The following LCORL variants were observed in gnomAD, a reference collection of about 807,000 sequenced individuals.
LCORL encodes ligand dependent nuclear receptor corepressor like.
LCORL carries 41 observed loss-of-function variants against 141.8 expected under a neutral mutation model. The observed-to-expected ratio is 0.29, with a 90% CI of 0.23 to 0.38. The LOEUF (loss-of-function observed/expected upper bound fraction) is 0.38. Among genes scored for constraint, LCORL ranks in the 10% least tolerant of loss-of-function variants. The probability of loss-of-function intolerance (pLI) is 1.00; values close to 1 mark genes in which losing one functional copy is unlikely to be tolerated. For missense variants in LCORL, 1,759 were observed against 2,035.0 expected, an observed-to-expected ratio of 0.86 and a Z score of 2.61; for synonymous variants, 618 against 694.1, an observed-to-expected ratio of 0.89 and a Z score of 1.72.
intron 5 of LCORL, among the ~76,000 whole-genome samples, chr4:17,895,636 C>A (rs536061295): frequency 8.8e-4 from 134 of 152,142 alleles, no homozygotes; most frequent in Non-Finnish European, 1.7e-3. Flanking sequence ...AGTTGTGCAA[C>A]CATCACAATT....
intron 7 of LCORL, among the ~76,000 whole-genome samples, chr4:17,872,621 G>A (rs930667325): frequency 6.6e-6 from 1 of 152,026 alleles, no homozygotes; most frequent in African/African-American, 2.4e-5. Context: ...GGATGTAATT[G>A]TTTGCTAAGG....
chr4:17,892,101 G>A (rs899302216), intron 5 of LCORL, among the ~76,000 whole-genome samples: 2 of 151,854 alleles, frequency 1.3e-5, no homozygotes, highest in Non-Finnish European at 2.9e-5. Flanking sequence ...TAACTATGGC[G>A]TTTCAGTCAT....
At chr4:17,889,099 C>A (rs895959601) in intron 5 of LCORL, among the ~76,000 whole-genome samples, 2 of 152,046 alleles carry the variant, frequency 1.3e-5, no homozygotes, top group Admixed American at 1.3e-4. Flanking sequence ...AACTAGGCTG[C>A]AGCTCTCTAC....
rs142711953 is a variant in LCORL, at chr4:17,974,162, G to A, written c.155-1277C>T. Among the ~76,000 whole-genome samples, 15 of 152,104 alleles carry A rather than the reference G, an allele frequency of 9.9e-5. No individual in the cohort carries two copies. In the East Asian group the frequency reaches 1.7e-3, roughly 18 times the overall value. On this transcript the variant is annotated intron_variant, in intron 1 of 7. Coordinates refer to ENST00000635767, the Ensembl canonical transcript of LCORL. ...GATACTCTATTTTTCTGTCATCAACGTGCTTCAGAAATATTACTGCACTTG... is the reference window on the plus strand; with the variant it reads ...GATACTCTATTTTTCTGTCATCAACATGCTTCAGAAATATTACTGCACTTG...
At chr4:18,013,806 G>T (rs2109884513) in intron 1 of LCORL, among the ~76,000 whole-genome samples, 1 of 144,810 alleles carries the variant, frequency 6.9e-6, no homozygotes, top group Non-Finnish European at 1.5e-5. Flanking sequence ...AAGCCTCTAG[G>T]TTGCAGTTGA....
intron 1 of LCORL, among the ~76,000 whole-genome samples, chr4:17,990,083 G>A (rs73100924): frequency 0.022 from 3,069 of 141,424 alleles, 114 homozygotes; most frequent in African/African-American, 0.074. Flanking sequence ...CAGAAAAAAA[G>A]AAAACTCTCT....
At chr4:17,876,594 T>C in exon 7 of LCORL, 1 of 1,230,882 alleles carries the variant, frequency 8.1e-7, no homozygotes, top group Non-Finnish European at 1.0e-6. Flanking sequence ...GGATACTTTT[T>C]TGGCTTTAGG....
intron 4 of LCORL, among the ~76,000 whole-genome samples, chr4:17,917,380 A>G (rs185284298): frequency 1.3e-5 from 2 of 151,922 alleles, no homozygotes; most frequent in East Asian, 3.9e-4. Flanking sequence ...TTTAGTAGAG[A>G]TGGGGTTTTG....
intron 4 of LCORL, among the ~76,000 whole-genome samples, 186 bp downstream of exon 4, chr4:17,961,717 A>T (rs1410083625): frequency 6.6e-6 from 1 of 152,046 alleles, no homozygotes; most frequent in Non-Finnish European, 1.5e-5. Flanking sequence ...GGAATGCCTA[A>T]TACAAGACTA....
intron 6 of LCORL, chr4:17,881,485 C>G (rs902415618): frequency 3.5e-6 from 3 of 857,664 alleles, no homozygotes; most frequent in Non-Finnish European, 4.2e-6. Flanking sequence ...TTTTAATTTA[C>G]TATTTCTGAC....
At chr4:17,841,436 C>G (rs894526661) in exon 8 of LCORL, 1 of 151,802 alleles carries the variant, frequency 6.6e-6, no homozygotes, top group Non-Finnish European at 1.5e-5. Flanking sequence ...TATTTAAATA[C>G]CAATTGCTGG....
rs1027822485 is a variant in LCORL, at chr4:17,881,680, CTCAA to C, written c.777-3471_777-3468del. The C allele has an allele frequency of 1.8e-5, 17 of 948,788 alleles. No homozygotes were observed. The East Asian group carries it at 7.0e-4, about 39-fold the overall frequency. 58.8% of individuals were successfully genotyped at this position (948,788 alleles called of 1,614,324 possible). On this transcript the variant is annotated intron_variant, in intron 6 of 7. Transcript: ENST00000635767. The stretch of plus-strand genomic sequence containing the variant: ...GTAAGTTTCCCTTTACTATAAACTT[CTCAA>C]TCAATTTATTAATGTAAATATAGTG...
At chr4:17,858,413 G>C (rs889082359) in intron 7 of LCORL, among the ~76,000 whole-genome samples, 1 of 152,032 alleles carries the variant, frequency 6.6e-6, no homozygotes, top group Non-Finnish European at 1.5e-5. Flanking sequence ...GAGGAGAGAG[G>C]AGAGGGACAG....
chr4:17,877,728 T>C, exon 7 of LCORL: 1 of 1,230,634 alleles, frequency 8.1e-7, no homozygotes, highest in Non-Finnish European at 1.0e-6. Context: ...ATCACATACT[T>C]CCTTTGACAA....
rs566338815 is a variant in LCORL, at chr4:17,947,433, G to A, written c.430+14470C>T. ...GGGAAATGGGGAAACAGAGTCAAAG[G>A]GTACACAATCTCAAAAGGAATATGG... On this transcript the variant is annotated intron_variant, in intron 4 of 7. Coordinates refer to ENST00000635767, the Ensembl canonical transcript of LCORL. 9.4e-4 allele frequency among the ~76,000 whole-genome samples: 142 copies of A among 151,578 alleles called. 11 individuals are homozygous for A. Among genetic ancestry groups the A allele is most frequent in the Non-Finnish European group, 2.8e-4 (19 of 67,800 alleles).
At chr4:17,977,418 T>C (rs772520485) in intron 1 of LCORL, among the ~76,000 whole-genome samples, 4 of 152,180 alleles carry the variant, frequency 2.6e-5, no homozygotes, top group Non-Finnish European at 4.4e-5. Context: ...ACTTGGTTAG[T>C]TGTGTTTTTC....
intron 5 of LCORL, among the ~76,000 whole-genome samples, chr4:17,892,316 C>A (rs1729234511): frequency 6.7e-6 from 1 of 148,450 alleles, no homozygotes; most frequent in Admixed American, 6.9e-5. Context: ...TCGAGTGATT[C>A]TCCTGCCTCA....
chr4:17,981,810 G>T (rs187251519), intron 1 of LCORL, among the ~76,000 whole-genome samples: 4 of 152,168 alleles, frequency 2.6e-5, no homozygotes, highest in Admixed American at 2.6e-4. Context: ...GCAAACTGAT[G>T]TCACAGGGGT....
intron 4 of LCORL, among the ~76,000 whole-genome samples, chr4:17,917,231 G>A (rs1049809446): frequency 7.3e-5 from 11 of 150,384 alleles, no homozygotes; most frequent in East Asian, 2.0e-4. Context: ...AAGGAGCCTC[G>A]TTCTGTCACC....
Sources: allele counts gnomAD v4.1 joint callset (sites outside exome capture counted in the v4.1 genomes callset), GRCh38; gene constraint gnomAD v4.1.1; transcripts MANE v1.5; gene names NCBI Gene and HGNC (gene_info 2026-07-23, HGNC 2026-07-21).